Variants in CNTNAP2 observed in about 807,000 individuals in gnomAD.
CNTNAP2 encodes the protein contactin associated protein 2.
A neutral mutation model predicts 155.2 loss-of-function variants in CNTNAP2; 98 were observed. That is an observed-to-expected ratio of 0.63 (90% CI 0.54 to 0.75). CNTNAP2 has a LOEUF of 0.75. CNTNAP2 is among the 30% of genes least tolerant of loss of function. The pLI is 0.00. For missense variants in CNTNAP2, 1,727 were observed against 1,688.1 expected, an observed-to-expected ratio of 1.02 and a Z score of -0.40; for synonymous variants, 651 against 631.2, an observed-to-expected ratio of 1.03 and a Z score of -0.47.
At position 147,203,755 on chromosome 7, in the gene CNTNAP2, T is replaced by C. The variant is rs575496680; in HGVS notation, c.1348+71246T>C. On this transcript the variant is annotated intron_variant, in intron 8 of 23. Transcript: ENST00000361727. ...AAAAATATAAAACAGAATTCAAATT[T>C]GCAAATGATATGGAAGCTGAACTAT... 2.6e-5 allele frequency among the ~76,000 whole-genome samples: 4 copies of C among 152,288 alleles called. No homozygotes were observed. In the South Asian group the frequency reaches 8.3e-4, roughly 32 times the overall value.
chr7:146,931,388 C>T (rs1373412466), intron 3 of CNTNAP2, among the ~76,000 whole-genome samples: 64 of 148,478 alleles, frequency 4.3e-4, no homozygotes, highest in Admixed American at 8.0e-4. Context: ...TTGAAACCAA[C>T]GAGAACAAAG....
chr7:147,706,519 A>T (rs931522611), intron 13 of CNTNAP2, among the ~76,000 whole-genome samples: 5 of 152,020 alleles, frequency 3.3e-5, no homozygotes, highest in African/African-American at 1.2e-4. Flanking sequence ...GGGTTCCCTT[A>T]TAAGTGACTA....
At chr7:146,977,649 A>C (rs1797937154) in intron 3 of CNTNAP2, among the ~76,000 whole-genome samples, 1 of 152,232 alleles carries the variant, frequency 6.6e-6, no homozygotes, top group Non-Finnish European at 1.5e-5. Context: ...ATAAACTCTT[A>C]AATAATATGC....
intron 22 of CNTNAP2, among the ~76,000 whole-genome samples, chr7:148,392,605 C>T (rs1024528612): frequency 1.3e-5 from 2 of 152,192 alleles, no homozygotes; most frequent in African/African-American, 4.8e-5. Flanking sequence ...TCTCACAGCT[C>T]CTCCAACAGG....
At chr7:147,452,821 A>G (rs1797856722) in intron 10 of CNTNAP2, among the ~76,000 whole-genome samples, 1 of 152,128 alleles carries the variant, frequency 6.6e-6, no homozygotes, top group African/African-American at 2.4e-5. Flanking sequence ...GATAGAAGGT[A>G]AAGAAAGACA....
At chr7:147,752,010 T>C (rs1359907158) in intron 13 of CNTNAP2, among the ~76,000 whole-genome samples, 2 of 152,206 alleles carry the variant, frequency 1.3e-5, no homozygotes, top group African/African-American at 4.8e-5. Context: ...TAGCAATATG[T>C]CATCCACAGT....
At chr7:148,394,294 T>C (rs1343801189) in intron 22 of CNTNAP2, among the ~76,000 whole-genome samples, 2 of 152,184 alleles carry the variant, frequency 1.3e-5, no homozygotes, top group Non-Finnish European at 2.9e-5. Flanking sequence ...CCTCTCCACC[T>C]TTACCATCTT....
At chr7:147,613,507 C>G (rs754385320) in intron 12 of CNTNAP2, among the ~76,000 whole-genome samples, 1 of 152,130 alleles carries the variant, frequency 6.6e-6, no homozygotes, top group East Asian at 1.9e-4. Context: ...GTACCCATTT[C>G]TCCCATTAGA....
intron 1 of CNTNAP2, among the ~76,000 whole-genome samples, chr7:146,381,635 C>T (rs1795390774): frequency 2.0e-5 from 3 of 152,070 alleles, no homozygotes; most frequent in South Asian, 2.1e-4. Context: ...GATTAGACAT[C>T]GGGGTTTTAT....
chr7:146,515,658 C>A (rs150422571), intron 1 of CNTNAP2, among the ~76,000 whole-genome samples: 1 of 152,030 alleles, frequency 6.6e-6, no homozygotes, highest in Non-Finnish European at 1.5e-5. Context: ...ACAATGTTAA[C>A]TGCTAGGCAA....
intron 3 of CNTNAP2, among the ~76,000 whole-genome samples, chr7:146,848,202 C>T (rs957702672): frequency 2.2e-4 from 34 of 152,094 alleles, no homozygotes; most frequent in Non-Finnish European, 1.5e-5. Context: ...TTCATATATA[C>T]CTCCAAGATA....
At chr7:146,126,758 T>C (rs1048933583) in intron 1 of CNTNAP2, among the ~76,000 whole-genome samples, 6 of 152,248 alleles carry the variant, frequency 3.9e-5, no homozygotes, top group African/African-American at 1.4e-4. Flanking sequence ...TTGAGAGTGC[T>C]GTTGAGAAAA....
In CNTNAP2 at chr7:147,782,739, G is replaced by A. The variant is rs574820955; in HGVS notation, c.2099-120826G>A. ...ACAAAAATTTAGACCACAGCAGCCTGTTTATGTCATTTCCTCTGAACCATA... is the reference window on the plus strand; with the variant it reads ...ACAAAAATTTAGACCACAGCAGCCTATTTATGTCATTTCCTCTGAACCATA... On this transcript the variant is annotated intron_variant, in intron 13 of 23. Coordinates refer to ENST00000361727, the MANE Select transcript of CNTNAP2 (RefSeq NM_014141.6). 3.3e-5 allele frequency among the ~76,000 whole-genome samples: 5 copies of A among 152,236 alleles called. No homozygotes were observed. In the East Asian group the frequency reaches 9.6e-4, roughly 29 times the overall value.
intron 1 of CNTNAP2, among the ~76,000 whole-genome samples, chr7:146,766,473 G>C (rs532049286): frequency 2.6e-4 from 39 of 152,236 alleles, no homozygotes; most frequent in African/African-American, 9.4e-4. Context: ...GTGTAGCCCA[G>C]TGCAACATAT....
chr7:148,136,017 A>AAGGAAGGAAGGGAGGAAGGAAGGGAGGG (rs1463040406), intron 16 of CNTNAP2, among the ~76,000 whole-genome samples: 1 of 25,798 alleles, frequency 3.9e-5, no homozygotes, highest in South Asian at 2.5e-3. Flanking sequence ...GGAAGGAAGG[A>AAGGAAGGAAGGGAGGAAGGAAGGGAGGG]AGGGAGGGAG....
At chr7:147,447,892 C>A (rs1166283455) in intron 10 of CNTNAP2, among the ~76,000 whole-genome samples, 2 of 151,974 alleles carry the variant, frequency 1.3e-5, no homozygotes, top group Non-Finnish European at 2.9e-5. Context: ...AGTCCTAATT[C>A]AAGTTTCATT....
At chr7:147,988,140 G>A (rs1366689783) in intron 15 of CNTNAP2, among the ~76,000 whole-genome samples, 2 of 152,186 alleles carry the variant, frequency 1.3e-5, no homozygotes, top group Non-Finnish European at 2.9e-5. Flanking sequence ...AATATTTTGT[G>A]ATTGACAATT....
chr7:146,397,742 A>G (rs773486231), intron 1 of CNTNAP2, among the ~76,000 whole-genome samples: 15 of 152,332 alleles, frequency 9.8e-5, no homozygotes, highest in Middle Eastern at 3.4e-3. Flanking sequence ...ACAGTATATA[A>G]GTAGGAATAA....
intron 3 of CNTNAP2, among the ~76,000 whole-genome samples, chr7:146,910,657 A>G (rs1479915189): frequency 6.6e-6 from 1 of 150,574 alleles, no homozygotes; most frequent in Non-Finnish European, 1.5e-5. Flanking sequence ...AATCAATTCA[A>G]GATGGATCAA....
Sources: allele counts gnomAD v4.1 joint callset (sites outside exome capture counted in the v4.1 genomes callset), GRCh38; gene constraint gnomAD v4.1.1; transcripts MANE v1.5; gene names NCBI Gene and HGNC (gene_info 2026-07-23, HGNC 2026-07-21).